The following SREK1IP1 variants were observed in gnomAD, a reference collection of about 807,000 sequenced individuals.
SREK1IP1 encodes the protein protein SREK1IP1.
SREK1IP1 carries 12 observed loss-of-function variants against 22.8 expected under a neutral mutation model. The ratio of observed to expected loss-of-function variants is 0.53; its 90% CI spans 0.34 to 0.85. The LOEUF (loss-of-function observed/expected upper bound fraction) is 0.85, where lower values mean the gene tolerates loss of function less well. SREK1IP1 is among the 40% of genes least tolerant of loss of function. The probability of loss-of-function intolerance (pLI) is 0.02; values close to 1 mark genes in which losing one functional copy is unlikely to be tolerated. For synonymous variants in SREK1IP1, 53 were observed against 52.7 expected (o/e 1.01, Z -0.02); for missense variants, 147 against 171.8 (o/e 0.86, Z 0.81).
At chr5:64,767,909 G>A (rs1474726398) in intron 1 of SREK1IP1, among the ~76,000 whole-genome samples, 1 of 152,134 alleles carries the variant, frequency 6.6e-6, no homozygotes, top group Non-Finnish European at 1.5e-5. Flanking sequence ...AGAGTTCACC[G>A]TTTTTAGGTC....
intron 1 of SREK1IP1, among the ~76,000 whole-genome samples, chr5:64,756,670 T>A (rs1203839052): frequency 6.6e-6 from 1 of 151,978 alleles, no homozygotes; most frequent in Non-Finnish European, 1.5e-5. Flanking sequence ...CTGTCACCCA[T>A]GCTGGAGTGC....
intron 2 of SREK1IP1, among the ~76,000 whole-genome samples, chr5:64,751,901 T>G (rs1742747962): frequency 6.6e-6 from 1 of 152,150 alleles, no homozygotes; most frequent in African/African-American, 2.4e-5. Flanking sequence ...ATGTAAAATG[T>G]TAAAGGTATT....
chr5:64,743,280 T>C (rs1742579965), intron 2 of SREK1IP1, among the ~76,000 whole-genome samples: 1 of 152,200 alleles, frequency 6.6e-6, no homozygotes, highest in African/African-American at 2.4e-5. Context: ...CTGCCTACAC[T>C]ATTCAGTACA....
chr5:64,753,290 G>A (rs2112107145), intron 2 of SREK1IP1, among the ~76,000 whole-genome samples: 1 of 152,244 alleles, frequency 6.6e-6, no homozygotes, highest in South Asian at 2.1e-4. Context: ...AGTCAGCAAT[G>A]ATTAAAAGAA....
chr5:64,744,609 T>C (rs1302048844), intron 2 of SREK1IP1, among the ~76,000 whole-genome samples: 1 of 152,226 alleles, frequency 6.6e-6, no homozygotes, highest in Non-Finnish European at 1.5e-5. Flanking sequence ...AATAGTGGAA[T>C]ATCAGCAATG....
intron 2 of SREK1IP1, among the ~76,000 whole-genome samples, chr5:64,752,016 TATCCCATAAATA>T (rs1742750587): frequency 1.3e-5 from 2 of 152,172 alleles, no homozygotes; most frequent in Non-Finnish European, 2.9e-5. Context: ...TTGAGACATT[TATCCCATAAATA>T]ATCCCAAGGC....
At chr5:64,749,094 TAA>T (rs1742697163) in intron 2 of SREK1IP1, among the ~76,000 whole-genome samples, 1 of 144,210 alleles carries the variant, frequency 6.9e-6, no homozygotes, top group Non-Finnish European at 1.5e-5. Context: ...ATAATAATAA[TAA>T]TAATAATAAT....
At chr5:64,747,525 C>T (rs1424045096) in intron 2 of SREK1IP1, among the ~76,000 whole-genome samples, 1 of 152,230 alleles carries the variant, frequency 6.6e-6, no homozygotes, top group East Asian at 1.9e-4. Flanking sequence ...TCATAAATGG[C>T]TATTTTTTAA....
rs1420410200 is a variant in SREK1IP1, at chr5:64,768,640, G to C, written c.-123C>G. 31 of 1,425,132 alleles carry C rather than the reference G, an allele frequency of 2.2e-5. No homozygotes were observed. The Admixed American group carries it at 2.6e-4, about 12-fold the overall frequency. 88.3% of individuals were successfully genotyped at this position (1,425,132 alleles called of 1,614,324 possible). ...CTTCCCCCAGCGCAGCAGCACCCTC[G>C]CTACGGTCGGGAAGGGCCTGTACGC... On this transcript the variant is annotated 5_prime_UTR_variant, in exon 1 of 5. Coordinates refer to ENST00000513458, the MANE Select transcript of SREK1IP1 (RefSeq NM_173829.4).
Position 64,726,632 on chromosome 5 carries a change from G to T in SREK1IP1, c.278+1475C>A, listed in dbSNP as rs116647875. On this transcript the variant is annotated intron_variant, in intron 4 of 4. Coordinates refer to ENST00000513458, the MANE Select transcript of SREK1IP1 (RefSeq NM_173829.4). ...GTACTTCAACTTATGATGGAGTTAC[G>T]CCTTGATAAATCTATCTGAAGCTGA... Among the ~76,000 whole-genome samples the T allele has an allele frequency of 2.3e-3, 345 of 150,864 alleles. 3 individuals carry two copies. Among genetic ancestry groups the T allele is most frequent in the African/African-American group, 8.0e-3 (329 of 41,090 alleles).
At chr5:64,745,577 A>C (rs1235943713) in intron 2 of SREK1IP1, among the ~76,000 whole-genome samples, 3 of 151,198 alleles carry the variant, frequency 2.0e-5, no homozygotes, top group Non-Finnish European at 4.4e-5. Flanking sequence ...CAGCAGAGTA[A>C]AACTGCCTCA....
chr5:64,730,005 A>C (rs188849256), intron 3 of SREK1IP1, among the ~76,000 whole-genome samples: 75 of 152,324 alleles, frequency 4.9e-4, no homozygotes, highest in African/African-American at 1.7e-3. Flanking sequence ...GGAATAAATA[A>C]AATCATTTAG....
At chr5:64,731,521 C>CAAAAAAA (rs10599290) in intron 3 of SREK1IP1, among the ~76,000 whole-genome samples, 933 of 74,550 alleles carry the variant, frequency 0.013, 8 homozygotes, top group African/African-American at 0.036. Context: ...GCCCTTGTCT[C>CAAAAAAA]AAAAAAAAAA....
intron 1 of SREK1IP1, among the ~76,000 whole-genome samples, chr5:64,759,386 G>A (rs1027913909): frequency 4.6e-5 from 7 of 152,102 alleles, no homozygotes; most frequent in Non-Finnish European, 7.4e-5. Flanking sequence ...TTGGGCTCCC[G>A]TGCAGTTCTT....
intron 2 of SREK1IP1, among the ~76,000 whole-genome samples, chr5:64,743,592 A>G (rs191405053): frequency 6.6e-6 from 1 of 152,318 alleles, no homozygotes; most frequent in African/African-American, 2.4e-5. Context: ...TGATTTGTCA[A>G]TAATTGCTAT....
At chr5:64,746,073 T>A (rs548665724) in intron 2 of SREK1IP1, among the ~76,000 whole-genome samples, 1 of 152,190 alleles carries the variant, frequency 6.6e-6, no homozygotes, top group African/African-American at 2.4e-5. Flanking sequence ...AACCCACATA[T>A]ACATAGCGAA....
At chr5:64,768,360 T>A (rs1743099430) in intron 1 of SREK1IP1, 145 bp downstream of exon 1, 1 of 1,034,318 alleles carries the variant, frequency 9.7e-7, no homozygotes, top group African/African-American at 1.6e-5. Flanking sequence ...TGTAAACTTT[T>A]TCATGTAAAC....
rs1453895738 is a variant in SREK1IP1 at position 64,719,302 on chromosome 5, T to G, written c.*5082A>C. Reference sequence around the variant, plus strand: ...CAACAACCTACTGCCAAAGTTGAACTTCACATTCAAAAATACAATTTTGCA... The same window carrying G: ...CAACAACCTACTGCCAAAGTTGAACGTCACATTCAAAAATACAATTTTGCA... On this transcript the variant is annotated 3_prime_UTR_variant, in exon 5 of 5. Transcript: ENST00000513458. The G allele has an allele frequency of 1.3e-5, 2 of 152,196 alleles. No homozygotes were observed. The highest frequency in any genetic ancestry group is 2.1e-4 in the South Asian group (1 of 4,834). 9.4% of individuals were successfully genotyped at this position (152,196 alleles called of 1,614,324 possible).
At position 64,729,693 on chromosome 5, in the gene SREK1IP1, G is replaced by C. The variant is rs547994062; in HGVS notation, c.206-1514C>G. On this transcript the variant is annotated intron_variant, in intron 3 of 4. Transcript: ENST00000513458. ...AGTAACTGGAGTAGTGCAGGCCAGA[G>C]ATGGTGTCCTGAGGTGATATGTGTG... Among the ~76,000 whole-genome samples the C allele has an allele frequency of 5.9e-5, 9 of 152,280 alleles. No individual in the cohort carries two copies. In the South Asian group the frequency reaches 1.9e-3, roughly 32 times the overall value.
Sources: allele counts gnomAD v4.1 joint callset (sites outside exome capture counted in the v4.1 genomes callset), GRCh38; gene constraint gnomAD v4.1.1; transcripts MANE v1.5; gene names NCBI Gene and HGNC (gene_info 2026-07-23, HGNC 2026-07-21).